Variants in SGCG observed in about 807,000 individuals in gnomAD.
The protein encoded by SGCG is sarcoglycan gamma.
SGCG carries 26 observed loss-of-function variants against 29.3 expected under a neutral mutation model. The observed-to-expected ratio is 0.89, with a 90% CI of 0.65 to 1.23. The LOEUF (loss-of-function observed/expected upper bound fraction) is 1.23, where lower values mean the gene tolerates loss of function less well. Ranked by LOEUF, SGCG falls within the 50% of genes most tolerant of loss-of-function variation. The probability of loss-of-function intolerance (pLI) is 0.00; values close to 1 mark genes in which losing one functional copy is unlikely to be tolerated. For missense variants in SGCG, 353 were observed against 356.0 expected, an observed-to-expected ratio of 0.99 and a Z score of 0.07; for synonymous variants, 145 against 129.7, an observed-to-expected ratio of 1.12 and a Z score of -0.80.
At chr13:23,322,485 C>T (rs568807355) in intron 7 of SGCG, among the ~76,000 whole-genome samples, 2 of 152,168 alleles carry the variant, frequency 1.3e-5, no homozygotes, top group African/African-American at 4.8e-5. Context: ...CCAGGCGCTC[C>T]GATGTCCTTC....
At chr13:23,181,789 A>T (rs1876744769) in intron 1 of SGCG, among the ~76,000 whole-genome samples, 2 of 151,800 alleles carry the variant, frequency 1.3e-5, no homozygotes, top group Non-Finnish European at 2.9e-5. Flanking sequence ...AGCAAACACA[A>T]TTTTTTTAAA....
chr13:23,295,495 T>C lies in SGCG; in HGVS notation c.578+8T>C, dbSNP rs1359141230. ...CCCGTTTCAAGACCTTAGGTAAGAA[T>C]TTTTGTTCAAATATTAACAACCTCT... is the stretch of plus-strand genomic sequence containing the variant. On this transcript the variant is annotated splice_region_variant and intron_variant, in intron 6 of 7. Coordinates refer to ENST00000218867, the MANE Select transcript of SGCG (RefSeq NM_000231.3). 16 of 1,605,336 alleles carry C rather than the reference T, an allele frequency of 1.0e-5. No individual in the cohort carries two copies. The highest frequency in any genetic ancestry group is 1.3e-5 in the African/African-American group (1 of 74,784).
Position 23,260,415 on chromosome 13 carries a change from C to T in SGCG, c.385+9698C>T, listed in dbSNP as rs140655667. 6.5e-3 allele frequency among the ~76,000 whole-genome samples: 996 copies of T among 152,122 alleles called. 5 individuals carry two copies. The highest frequency in any genetic ancestry group is 0.023 in the African/African-American group (953 of 41,486). The stretch of plus-strand genomic sequence containing the variant: ...TTTGCTTGGTAGATCTTCCTCTATC[C>T]CTTTATTTTGAGCCTGTGTATGTCT... On this transcript the variant is annotated intron_variant, in intron 4 of 7. Coordinates refer to ENST00000218867, the MANE Select transcript of SGCG (RefSeq NM_000231.3).
chr13:23,254,306 T>C (rs1477807575), intron 4 of SGCG, among the ~76,000 whole-genome samples: 3 of 152,122 alleles, frequency 2.0e-5, no homozygotes, highest in Admixed American at 6.5e-5. Flanking sequence ...GAGGACGTTA[T>C]TGGGACCTGG....
chr13:23,322,451 ATGGCCTG>A (rs1883070611), intron 7 of SGCG, among the ~76,000 whole-genome samples: 1 of 152,132 alleles, frequency 6.6e-6, no homozygotes, highest in African/African-American at 2.4e-5. Flanking sequence ...GATCCCCCAT[ATGGCCTG>A]TGTTGCAAGG....
chr13:23,206,391 C>T (rs1450768074), intron 2 of SGCG, among the ~76,000 whole-genome samples: 3 of 152,136 alleles, frequency 2.0e-5, no homozygotes, highest in African/African-American at 7.2e-5. Flanking sequence ...CTGTAGATAC[C>T]TCATATAAAT....
At chr13:23,255,312 A>G (rs1326026834) in intron 4 of SGCG, among the ~76,000 whole-genome samples, 2 of 152,210 alleles carry the variant, frequency 1.3e-5, no homozygotes, top group African/African-American at 4.8e-5. Flanking sequence ...TGGAATGGCA[A>G]CATTTACCCA....
chr13:23,273,186 CTT>C (rs10556974), intron 4 of SGCG, among the ~76,000 whole-genome samples: 2 of 145,666 alleles, frequency 1.4e-5, no homozygotes, highest in Non-Finnish European at 1.5e-5. Context: ...GAACTTAGTT[CTT>C]TTTTTTTTTT....
At position 23,295,466 on chromosome 13, in the gene SGCG, C is replaced by A; in HGVS notation, c.557C>A (p.Ala186Asp). ...TCAGTGGAGACACCCCTTGTCAGAG[C>A]CGACCCGTTTCAAGACCTTAGGTAA... ...EHSVETPLVRADPFQDLRLES... is the reference protein window; with the variant it reads ...EHSVETPLVRDDPFQDLRLES... Residue 186 changes from alanine (A) to aspartate (D), a missense_variant, in exon 6 of 8, where the codon GCC becomes GAC. Transcript: ENST00000218867. 1 of 1,613,736 alleles carries A rather than the reference C, an allele frequency of 6.2e-7. No individual in the cohort carries two copies. The highest frequency in any genetic ancestry group is 8.5e-7 in the Non-Finnish European group (1 of 1,179,680).
intron 2 of SGCG, among the ~76,000 whole-genome samples, chr13:23,207,992 CA>C (rs571102073): frequency 8.9e-4 from 135 of 152,168 alleles, no homozygotes; most frequent in African/African-American, 3.2e-3. Context: ...TTATTATTTT[CA>C]TATATAAACC....
chr13:23,176,722 T>G (rs1469696784), upstream of SGCG, among the ~76,000 whole-genome samples: 1 of 152,176 alleles, frequency 6.6e-6, no homozygotes, highest in East Asian at 1.9e-4. Flanking sequence ...TTAACCTATT[T>G]ACATGGAAGG....
At chr13:23,262,134 A>G (rs1455712331) in intron 4 of SGCG, among the ~76,000 whole-genome samples, 2 of 152,036 alleles carry the variant, frequency 1.3e-5, no homozygotes, top group East Asian at 3.9e-4. Flanking sequence ...AATCAACATG[A>G]TAACTCGAAC....
chr13:23,192,118 T>A (rs1877288368), intron 1 of SGCG, among the ~76,000 whole-genome samples: 1 of 145,478 alleles, frequency 6.9e-6, no homozygotes, highest in Non-Finnish European at 1.5e-5. Context: ...GAGTTTGCAG[T>A]GAGCCGAGAT....
chr13:23,179,344 A>G (rs2137461714), upstream of SGCG, among the ~76,000 whole-genome samples: 1 of 152,340 alleles, frequency 6.6e-6, no homozygotes, highest in South Asian at 2.1e-4. Flanking sequence ...GAATCTGTAA[A>G]TATGAGTGGG....
chr13:23,223,668 T>A (rs185828237), intron 2 of SGCG, among the ~76,000 whole-genome samples: 9 of 152,076 alleles, frequency 5.9e-5, no homozygotes, highest in Non-Finnish European at 1.3e-4. Context: ...TTGTTGCCAC[T>A]TAAAGATAGG....
At chr13:23,288,777 T>C (rs1881595047) in intron 5 of SGCG, among the ~76,000 whole-genome samples, 5 of 152,232 alleles carry the variant, frequency 3.3e-5, no homozygotes, top group African/African-American at 1.2e-4. Flanking sequence ...TTCTGGCAGA[T>C]GACAAATTGT....
chr13:23,235,952 C>G (rs908680533), intron 3 of SGCG, among the ~76,000 whole-genome samples: 1 of 152,180 alleles, frequency 6.6e-6, no homozygotes. Context: ...AATGACATGG[C>G]ATGTGACTAA....
At chr13:23,182,625 A>G (rs1876786555) in intron 1 of SGCG, among the ~76,000 whole-genome samples, 2 of 152,102 alleles carry the variant, frequency 1.3e-5, no homozygotes, top group South Asian at 2.1e-4. Context: ...TTTTAATTTT[A>G]TATGTTATGC....
At chr13:23,181,230 C>T (rs941513885) in intron 1 of SGCG, among the ~76,000 whole-genome samples, 155 bp downstream of exon 1, 1 of 152,104 alleles carries the variant, frequency 6.6e-6, no homozygotes. Flanking sequence ...AACATAATGA[C>T]ATATCAAGTA....
Sources: allele counts gnomAD v4.1 joint callset (sites outside exome capture counted in the v4.1 genomes callset), GRCh38; gene constraint gnomAD v4.1.1; transcripts MANE v1.5; gene names NCBI Gene and HGNC (gene_info 2026-07-23, HGNC 2026-07-21).